The following SLC35F1 variants were observed in gnomAD, a reference collection of about 807,000 sequenced individuals.
SLC35F1 encodes chromosome 6 open reading frame 169.
In SLC35F1, 14 loss-of-function variants were observed where a neutral mutation model predicts 48.7. The ratio of observed to expected loss-of-function variants is 0.29; its 90% CI spans 0.19 to 0.45. The LOEUF is 0.45. Ranked by LOEUF, SLC35F1 falls within the 20% of genes least tolerant of loss-of-function variation. SLC35F1 has a pLI of 1.00. For synonymous variants in SLC35F1, 190 were observed against 202.2 expected, an observed-to-expected ratio of 0.94 and a Z score of 0.51; for missense variants, 404 against 500.0, an observed-to-expected ratio of 0.81 and a Z score of 1.83.
intron 1 of SLC35F1, among the ~76,000 whole-genome samples, chr6:117,966,560 A>G (rs914462284): frequency 6.6e-6 from 1 of 152,032 alleles, no homozygotes; most frequent in Non-Finnish European, 1.5e-5. Context: ...AACTCCGGAC[A>G]CACCATTTTT....
At chr6:118,044,076 G>A (rs1772266021) in intron 1 of SLC35F1, among the ~76,000 whole-genome samples, 1 of 152,214 alleles carries the variant, frequency 6.6e-6, no homozygotes, top group South Asian at 2.1e-4. Context: ...CAACCTGCAG[G>A]TGCAGGCCAG....
chr6:118,005,810 T>C (rs949828963), intron 1 of SLC35F1, among the ~76,000 whole-genome samples: 5 of 152,180 alleles, frequency 3.3e-5, no homozygotes, highest in Non-Finnish European at 7.3e-5. Context: ...CAAACTGGTT[T>C]CTGCTGATCC....
At chr6:118,091,280 C>T (rs1773069497) in intron 1 of SLC35F1, among the ~76,000 whole-genome samples, 1 of 152,100 alleles carries the variant, frequency 6.6e-6, no homozygotes, top group South Asian at 2.1e-4. Flanking sequence ...GTGTCCCCAC[C>T]CAAATCACAT....
chr6:118,051,119 A>G (rs1270293935), intron 1 of SLC35F1, among the ~76,000 whole-genome samples: 1 of 152,182 alleles, frequency 6.6e-6, no homozygotes. Context: ...GAAGAAAAAA[A>G]GAATTTCTGC....
At position 118,033,171 on chromosome 6, in the gene SLC35F1, C is replaced by A. The variant is rs572552392; in HGVS notation, c.174-121274C>A. On this transcript the variant is annotated intron_variant, in intron 1 of 7. Coordinates refer to ENST00000360388, the MANE Select transcript of SLC35F1 (RefSeq NM_001029858.4). ...TCATGAAATAAATAAATAAATGATT[C>A]CAAGCATTTTTCCAGGAAAATATGC... 2.6e-5 allele frequency among the ~76,000 whole-genome samples: 4 copies of A among 152,228 alleles called. No homozygotes were observed. In the South Asian group the frequency reaches 6.2e-4, roughly 24 times the overall value.
chr6:118,136,775 G>C (rs1400393546), intron 1 of SLC35F1, among the ~76,000 whole-genome samples: 1 of 152,204 alleles, frequency 6.6e-6, no homozygotes, highest in Non-Finnish European at 1.5e-5. Flanking sequence ...GAGAAAACTA[G>C]TGCCTCTCAT....
chr6:118,148,440 C>G (rs778666505), intron 1 of SLC35F1, among the ~76,000 whole-genome samples: 3 of 152,150 alleles, frequency 2.0e-5, no homozygotes, highest in African/African-American at 4.8e-5. Flanking sequence ...TCTCAAAATT[C>G]TAAAGTCTGT....
chr6:118,121,999 CAA>C (rs1465820147), intron 1 of SLC35F1, among the ~76,000 whole-genome samples: 2 of 151,982 alleles, frequency 1.3e-5, no homozygotes, highest in East Asian at 3.9e-4. Context: ...CCCCCCATTT[CAA>C]AGTTATATAT....
At chr6:117,927,845 C>G (rs2114809393) in intron 1 of SLC35F1, among the ~76,000 whole-genome samples, 1 of 152,242 alleles carries the variant, frequency 6.6e-6, no homozygotes, top group East Asian at 1.9e-4. Flanking sequence ...TACAAAGCAG[C>G]CTTGTACTTT....
At chr6:117,997,147 T>A (rs1777006085) in intron 1 of SLC35F1, among the ~76,000 whole-genome samples, 1 of 152,066 alleles carries the variant, frequency 6.6e-6, no homozygotes, top group South Asian at 2.1e-4. Context: ...CAGCAGCTGA[T>A]GCGATCAACT....
At chr6:118,106,616 A>G (rs937341453) in intron 1 of SLC35F1, among the ~76,000 whole-genome samples, 12 of 152,218 alleles carry the variant, frequency 7.9e-5, no homozygotes, top group African/African-American at 2.9e-4. Flanking sequence ...GATCTCTTAT[A>G]ATCCATCTTT....
At chr6:117,950,379 A>G (rs1051120351) in intron 1 of SLC35F1, among the ~76,000 whole-genome samples, 5 of 151,964 alleles carry the variant, frequency 3.3e-5, no homozygotes, top group Admixed American at 1.3e-4. Flanking sequence ...GACTGGCTGG[A>G]CTCCAGAGAC....
chr6:118,133,019 C>T (rs545702728), intron 1 of SLC35F1, among the ~76,000 whole-genome samples: 5 of 152,152 alleles, frequency 3.3e-5, no homozygotes, highest in African/African-American at 4.8e-5. Context: ...ACAGCTGGCT[C>T]TATATGCTCC....
chr6:118,170,806 GT>G (rs1437622956), intron 2 of SLC35F1, among the ~76,000 whole-genome samples: 4 of 151,964 alleles, frequency 2.6e-5, no homozygotes, highest in Non-Finnish European at 4.4e-5. Context: ...AACAGTAAGT[GT>G]TTATGTAAAT....
chr6:118,285,409 T>C (rs1481481210), intron 7 of SLC35F1, 71 bp downstream of exon 7: 1 of 1,563,008 alleles, frequency 6.4e-7, no homozygotes, highest in African/African-American at 1.4e-5. Flanking sequence ...TAGGAATGCC[T>C]GGATGTGAAA....
At chr6:118,208,235 A>T (rs897652330) in intron 2 of SLC35F1, among the ~76,000 whole-genome samples, 1 of 152,178 alleles carries the variant, frequency 6.6e-6, no homozygotes, top group Admixed American at 6.5e-5. Flanking sequence ...AGGATAAGGC[A>T]CGTCCTATAT....
chr6:118,098,075 T>A (rs1231580709), intron 1 of SLC35F1, among the ~76,000 whole-genome samples: 1 of 152,240 alleles, frequency 6.6e-6, no homozygotes, highest in African/African-American at 2.4e-5. Context: ...ATATTTATTA[T>A]CTATTACTTG....
intron 1 of SLC35F1, among the ~76,000 whole-genome samples, chr6:118,067,816 A>G (rs1772639154): frequency 6.6e-6 from 1 of 152,178 alleles, no homozygotes; most frequent in Admixed American, 6.5e-5. Context: ...ACTTGTTAAA[A>G]CAGACTGCTG....
chr6:118,049,189 C>T (rs1772347320), intron 1 of SLC35F1, among the ~76,000 whole-genome samples: 2 of 152,262 alleles, frequency 1.3e-5, no homozygotes, highest in Middle Eastern at 3.4e-3. Flanking sequence ...AGATCCCTTC[C>T]TTACACCTTA....
Sources: allele counts gnomAD v4.1 joint callset (sites outside exome capture counted in the v4.1 genomes callset), GRCh38; gene constraint gnomAD v4.1.1; transcripts MANE v1.5; gene names NCBI Gene and HGNC (gene_info 2026-07-23, HGNC 2026-07-21).